Variants in ACOX3 observed in about 807,000 individuals in gnomAD.
ACOX3 encodes peroxisomal acyl-coenzyme A oxidase 3.
A neutral mutation model predicts 81.5 loss-of-function variants in ACOX3; 73 were observed. The observed-to-expected ratio is 0.90, with a 90% CI of 0.74 to 1.09. The LOEUF (loss-of-function observed/expected upper bound fraction) is 1.09, where lower values mean the gene tolerates loss of function less well. Among genes scored for constraint, ACOX3 ranks in the 50% least tolerant of loss-of-function variants. The probability of loss-of-function intolerance (pLI) is 0.00; values close to 1 mark genes in which losing one functional copy is unlikely to be tolerated. For synonymous variants in ACOX3, 387 were observed against 375.1 expected (o/e 1.03, Z -0.37); for missense variants, 947 against 928.0 (o/e 1.02, Z -0.27).
rs1437446833 is a variant in ACOX3, at chr4:8,423,477, C to T, written c.-14-6942G>A. ...ACCAAAGGCAGTACCCTCTTAGACC[C>T]GAGGCCCAACAAGGACTCCAAAAGA... On this transcript the variant is annotated intron_variant, in intron 1 of 17. Transcript: ENST00000356406. This position sits in a 1 kb window ranked among gnomAD's most constrained non-coding sequence, Gnocchi z 4.2. Among the ~76,000 whole-genome samples, 1 of 152,076 alleles carries T rather than the reference C, an allele frequency of 6.6e-6. No homozygotes were observed. The highest frequency in any genetic ancestry group is 1.5e-5 in the Non-Finnish European group (1 of 68,018).
At position 8,389,563 on chromosome 4, in the gene ACOX3, T is replaced by A; in HGVS notation, c.1423+49A>T. The A allele has an allele frequency of 6.2e-7, 1 of 1,611,060 alleles. No homozygotes were observed. The highest frequency in any genetic ancestry group is 8.5e-7 in the Non-Finnish European group (1 of 1,179,130). On this transcript the variant is annotated intron_variant, in intron 12 of 17. Transcript: ENST00000356406. This position sits in a 1 kb window ranked among gnomAD's most constrained non-coding sequence, Gnocchi z 5.3. Reference sequence around the variant, plus strand: ...CAGTGAGGCCAGGAGAACCCACCCCTGCCCCAGTTGGGTTCCAGCGCCCCC... The same window carrying A: ...CAGTGAGGCCAGGAGAACCCACCCCAGCCCCAGTTGGGTTCCAGCGCCCCC...
At chr4:8,383,586 C>G (rs995496081) in intron 13 of ACOX3, among the ~76,000 whole-genome samples, 1 of 152,202 alleles carries the variant, frequency 6.6e-6, no homozygotes, top group Non-Finnish European at 1.5e-5. Context: ...GAGAGGGAGG[C>G]GGGTAGCCCT....
At chr4:8,388,924 C>T (rs1718628742) in intron 13 of ACOX3, among the ~76,000 whole-genome samples, 2 of 152,258 alleles carry the variant, frequency 1.3e-5, no homozygotes, top group South Asian at 4.1e-4. Context: ...GAGGGAAAGG[C>T]AAGAGGCAAG....
In ACOX3 at chr4:8,368,360, G is replaced by T. The variant is rs1285270340; in HGVS notation, c.1984-1280C>A. On this transcript the variant is annotated intron_variant, in intron 17 of 17. Coordinates refer to ENST00000356406, the MANE Select transcript of ACOX3 (RefSeq NM_003501.3). This position sits in a 1 kb window ranked among gnomAD's most constrained non-coding sequence, Gnocchi z 5.9. ...TACAAATGAAGGGCGAAGGGCAGCT[G>T]AGCAGACACTTCACCCGTGCAGGGT... Among the ~76,000 whole-genome samples the T allele has an allele frequency of 6.6e-6, 1 of 152,248 alleles. No individual in the cohort carries two copies. The highest frequency in any genetic ancestry group is 1.5e-5 in the Non-Finnish European group (1 of 68,046).
chr4:8,359,959 G>A, the ACOX3 span, among the ~76,000 whole-genome samples: 1 of 152,242 alleles, frequency 6.6e-6, no homozygotes, highest in Non-Finnish European at 1.5e-5. The surrounding 1 kb of genome is among the most constrained non-coding windows in gnomAD (Gnocchi z 6.0). Context: ...ATAAAGAGGA[G>A]TACCTTAGGA....
intron 16 of ACOX3, 88 bp downstream of exon 16, chr4:8,373,473 T>C: frequency 1.4e-6 from 2 of 1,399,320 alleles, no homozygotes. Flanking sequence ...GCGGTGCGTG[T>C]CGGTCTGGGT....
chr4:8,425,929 A>C (rs568019033), intron 1 of ACOX3, among the ~76,000 whole-genome samples: 21 of 152,236 alleles, frequency 1.4e-4, no homozygotes, highest in African/African-American at 4.8e-4. Flanking sequence ...CACAATCCTC[A>C]GGGAAGGTCG....
At chr4:8,433,613 G>T (rs1452720076) in intron 1 of ACOX3, among the ~76,000 whole-genome samples, 2 of 152,178 alleles carry the variant, frequency 1.3e-5, no homozygotes, top group East Asian at 3.8e-4. Context: ...AGTGTGTCTG[G>T]GAGGATACGT....
rs181255222 is a variant in ACOX3 at position 8,406,612 on chromosome 4, T to A, written c.688-569A>T. ...CAAGACAAAGGCAGGATAAGGAGAG[T>A]GAGCCATCTCCAATGATAGGTAAGA... On this transcript the variant is annotated intron_variant, in intron 6 of 17. Transcript: ENST00000356406. The surrounding 1 kb of genome is among the most constrained non-coding windows in gnomAD (Gnocchi z 5.6). 4.7e-3 allele frequency among the ~76,000 whole-genome samples: 709 copies of A among 151,464 alleles called. 5 individuals are homozygous for A. The highest frequency in any genetic ancestry group is 0.016 in the African/African-American group (669 of 41,222).
In ACOX3 at chr4:8,406,050, A is replaced by T; in HGVS notation, c.688-7T>A. On this transcript the variant is annotated splice_polypyrimidine_tract_variant and splice_region_variant and intron_variant, in intron 6 of 17. Coordinates refer to ENST00000356406, the MANE Select transcript of ACOX3 (RefSeq NM_003501.3). This position sits in a 1 kb window ranked among gnomAD's most constrained non-coding sequence, Gnocchi z 5.6. ...GGGTCTTCGGGTCCCGGATCTATAC[A>T]AAGCCACAGAAAGCAGCAAACAGCA... The T allele has an allele frequency of 6.2e-7, 1 of 1,612,686 alleles. No homozygotes were observed. Among genetic ancestry groups the T allele is most frequent in the Non-Finnish European group, 8.5e-7 (1 of 1,178,868 alleles).
chr4:8,369,171 G>C (rs749903355), intron 17 of ACOX3, among the ~76,000 whole-genome samples: 19 of 152,128 alleles, frequency 1.2e-4, no homozygotes, highest in Non-Finnish European at 2.2e-4. Flanking sequence ...AGGCCGCTCC[G>C]GCTTCTCCTG....
Position 8,399,847 on chromosome 4 carries a change from C to T in ACOX3, c.777-195G>A, listed in dbSNP as rs1201358219. 6.6e-6 allele frequency among the ~76,000 whole-genome samples: 1 copy of T among 152,210 alleles called. No individual in the cohort carries two copies. Among genetic ancestry groups the T allele is most frequent in the African/African-American group, 2.4e-5 (1 of 41,456 alleles). On this transcript the variant is annotated intron_variant, in intron 7 of 17. Coordinates refer to ENST00000356406, the MANE Select transcript of ACOX3 (RefSeq NM_003501.3). This position sits in a 1 kb window ranked among gnomAD's most constrained non-coding sequence, Gnocchi z 4.9. ...AGGAACAGTGGCTCACGCCCAGAAT[C>T]CCAACTCTTTGGAAGACTGAGGCAG... is the stretch of plus-strand genomic sequence containing the variant.
In ACOX3 at chr4:8,366,932, T is replaced by C. The variant is rs185119530; in HGVS notation, c.*29A>G. The C allele has an allele frequency of 1.1e-4, 173 of 1,611,954 alleles. 1 individual carries two copies. The African/African-American group carries it at 2.2e-3, about 20-fold the overall frequency. On this transcript the variant is annotated 3_prime_UTR_variant, in exon 18 of 18. Transcript: ENST00000356406. ...GTCTGATTAGTTCCCTTCGTTTCATTAGACTTGGCTGAATGTGTGCCAGTC... is the reference window on the plus strand; with the variant it reads ...GTCTGATTAGTTCCCTTCGTTTCATCAGACTTGGCTGAATGTGTGCCAGTC...
chr4:8,379,196 C>T (rs538128564), intron 14 of ACOX3, among the ~76,000 whole-genome samples: 11 of 152,312 alleles, frequency 7.2e-5, no homozygotes, highest in South Asian at 6.2e-4. Context: ...TAACAGCTTC[C>T]GGTTCCCATC....
chr4:8,404,868 C>A (rs1313625196), intron 7 of ACOX3, among the ~76,000 whole-genome samples: 2 of 152,284 alleles, frequency 1.3e-5, no homozygotes, highest in East Asian at 1.9e-4. Flanking sequence ...GTCCCACTAC[C>A]CCCAAGTTAT....
intron 1 of ACOX3, among the ~76,000 whole-genome samples, chr4:8,424,508 T>C (rs577044223): frequency 5.9e-5 from 9 of 152,364 alleles, no homozygotes; most frequent in African/African-American, 2.2e-4. Context: ...TTATGGGTAA[T>C]GGCAGCAGTA....
At chr4:8,422,603 T>C (rs1006033683) in intron 1 of ACOX3, among the ~76,000 whole-genome samples, 8 of 152,224 alleles carry the variant, frequency 5.3e-5, no homozygotes, top group Non-Finnish European at 7.3e-5. Flanking sequence ...CTCCCTTTAA[T>C]TTACTCAATT....
Position 8,406,727 on chromosome 4 carries a change from G to C in ACOX3, c.688-684C>G, listed in dbSNP as rs1721010182. ...GAGAGAGGAGACAGAGAGAAAGACA[G>C]CTTACGCCATTATTTCTGCTTATTA... On this transcript the variant is annotated intron_variant, in intron 6 of 17. Coordinates refer to ENST00000356406, the MANE Select transcript of ACOX3 (RefSeq NM_003501.3). This position sits in a 1 kb window ranked among gnomAD's most constrained non-coding sequence, Gnocchi z 5.6. Among the ~76,000 whole-genome samples, 1 of 152,200 alleles carries C rather than the reference G, an allele frequency of 6.6e-6. No individual in the cohort carries two copies. Among genetic ancestry groups the C allele is most frequent in the South Asian group, 2.1e-4 (1 of 4,834 alleles).
rs551668356 is a variant in ACOX3, at chr4:8,396,942, T to C, written c.1051A>G (p.Met351Val). Residue 351 changes from methionine to valine, a missense_variant, in exon 9 of 18, where the codon ATG becomes GTG. Coordinates refer to ENST00000356406, the MANE Select transcript of ACOX3 (RefSeq NM_003501.3). Reference protein sequence around the residue: ...EEEIPVLEYPMQQWRLLPYLA... With the variant: ...EEEIPVLEYPVQQWRLLPYLA... ...GATGCTTGAAAACCTCATACCTGCA[T>C]TGGATACTCAAGCACTGGTATTTCC... 8.7e-6 allele frequency: 14 copies of C among 1,610,844 alleles called. No individual in the cohort carries two copies. The highest frequency in any genetic ancestry group is 4.5e-5 in the East Asian group (2 of 44,696).
Sources: gnomAD v4.1 joint callset for allele counts (sites outside exome capture counted in the v4.1 genomes callset) on GRCh38, gnomAD v4.1.1 for gene constraint, Gnocchi (gnomAD v3.1) non-coding constraint, MANE v1.5 for transcripts, NCBI Gene and HGNC (gene_info 2026-07-23, HGNC 2026-07-21) for gene names.